LMNTD1: variants seen among roughly 807,000 people sequenced by gnomAD.
The protein encoded by LMNTD1 is lamin tail domain containing 1.
LMNTD1 carries 35 observed loss-of-function variants against 50.9 expected under a neutral mutation model. The observed-to-expected ratio is 0.69, with a 90% CI of 0.53 to 0.91. The LOEUF is 0.91. Among genes scored for constraint, LMNTD1 ranks in the 40% least tolerant of loss-of-function variants. LMNTD1 has a pLI of 0.00. For synonymous variants in LMNTD1, 153 were observed against 161.9 expected, an observed-to-expected ratio of 0.94 and a Z score of 0.42; for missense variants, 470 against 475.5, an observed-to-expected ratio of 0.99 and a Z score of 0.11.
rs561644355 is a variant in LMNTD1 at position 25,593,325 on chromosome 12, C to G, written c.59-46771G>C. Among the ~76,000 whole-genome samples the G allele has an allele frequency of 2.5e-4, 38 of 152,304 alleles. 2 individuals carry two copies. In the South Asian group the frequency reaches 7.7e-3, roughly 31 times the overall value. ...AGCACATTTTCCTCCCCTGCCACCT[C>G]CACCAGAACAGGTGCTGGCATCCAT... is the stretch of plus-strand genomic sequence containing the variant. On this transcript the variant is annotated intron_variant, in intron 1 of 7. Coordinates refer to the LMNTD1 transcript ENST00000445693.
chr12:25,530,961 A>T (rs917339802), intron 4 of LMNTD1, among the ~76,000 whole-genome samples: 1 of 152,150 alleles, frequency 6.6e-6, no homozygotes, highest in East Asian at 1.9e-4. Flanking sequence ...CTGCAGCGGG[A>T]GGGAAGTCAG....
chr12:25,482,754 T>C (rs1454179752), intron 9 of LMNTD1, among the ~76,000 whole-genome samples: 2 of 151,974 alleles, frequency 1.3e-5, no homozygotes, highest in African/African-American at 4.9e-5. Context: ...GCTGAGTTGG[T>C]GAGTGTGTTT....
At chr12:25,625,384 A>G (rs1946566430) in intron 1 of LMNTD1, among the ~76,000 whole-genome samples, 1 of 152,206 alleles carries the variant, frequency 6.6e-6, no homozygotes, top group Non-Finnish European at 1.5e-5. Context: ...AATAAAGAAC[A>G]GAACGAGCTC....
At chr12:25,518,996 T>G in intron 7 of LMNTD1, 29 bp from the exon 8 acceptor site, 1 of 1,609,184 alleles carries the variant, frequency 6.2e-7, no homozygotes, top group Non-Finnish European at 8.5e-7. Context: ...TAAATGGAAC[T>G]CAAAAGCCAT....
intron 9 of LMNTD1, among the ~76,000 whole-genome samples, chr12:25,487,353 T>C (rs1424533687): frequency 7.3e-6 from 1 of 136,566 alleles, no homozygotes; most frequent in Admixed American, 7.8e-5. Context: ...GATAGTTAGC[T>C]CTTCTTGTTG....
chr12:25,504,078 T>C (rs944571098), intron 8 of LMNTD1, among the ~76,000 whole-genome samples: 2 of 152,226 alleles, frequency 1.3e-5, no homozygotes, highest in Admixed American at 1.3e-4. Context: ...AGGAAGCATA[T>C]ATTTCAGGAC....
At position 25,578,938 on chromosome 12, in the gene LMNTD1, T is replaced by A. The variant is rs1239817958; in HGVS notation, c.59-32384A>T. On this transcript the variant is annotated intron_variant, in intron 1 of 7. Transcript: ENST00000445693. Reference sequence around the variant, plus strand: ...ATTGACCCAAACCATCTAACCAAATTAAGCTGATCTAATTTAGGCAGATCT... The same window carrying A: ...ATTGACCCAAACCATCTAACCAAATAAAGCTGATCTAATTTAGGCAGATCT... 2.6e-5 allele frequency among the ~76,000 whole-genome samples: 4 copies of A among 152,292 alleles called. No individual in the cohort carries two copies. The East Asian group carries it at 5.8e-4, about 22-fold the overall frequency.
At chr12:25,625,884 C>T (rs1050191209) in intron 1 of LMNTD1, among the ~76,000 whole-genome samples, 8 of 152,152 alleles carry the variant, frequency 5.3e-5, no homozygotes, top group African/African-American at 1.2e-4. Context: ...GTACACAGCC[C>T]TTGTTCCTCA....
chr12:25,570,385 A>C (rs943075535), intron 1 of LMNTD1, among the ~76,000 whole-genome samples: 1 of 152,180 alleles, frequency 6.6e-6, no homozygotes, highest in Non-Finnish European at 1.5e-5. Context: ...TGGGCCTCAA[A>C]GGTTGGATAG....
intron 9 of LMNTD1, among the ~76,000 whole-genome samples, chr12:25,484,494 T>C (rs535336837): frequency 8.5e-5 from 13 of 152,052 alleles, no homozygotes; most frequent in African/African-American, 2.4e-4. Flanking sequence ...CCAATAGCCA[T>C]TTCTTTTTAA....
At chr12:25,533,478 C>G (rs1181216222) in intron 4 of LMNTD1, among the ~76,000 whole-genome samples, 1 of 134,580 alleles carries the variant, frequency 7.4e-6, no homozygotes, top group Non-Finnish European at 1.6e-5. Flanking sequence ...CTTGATAGCT[C>G]CATGCTATTT....
In LMNTD1 at chr12:25,526,921, C is replaced by T; in HGVS notation, c.526G>A (p.Val176Ile). ...LGDVEIAEVNVKGLFVKLINS... is the reference protein window; with the variant it reads ...LGDVEIAEVNIKGLFVKLINS... ...ATGAGCTTCACGAACAAACCCTTGA[C>T]ATTCACTTCAGCTATTTCAACATCT... The change falls in exon 5 of 10, where the codon GTC becomes ATC. Residue 176 changes from valine (V) to isoleucine (I), a missense_variant. Coordinates refer to ENST00000458174, the MANE Select transcript of LMNTD1 (RefSeq NM_001145728.2). 3.1e-6 allele frequency: 5 copies of T among 1,610,184 alleles called. No homozygotes were observed. The highest frequency in any genetic ancestry group is 4.2e-6 in the Non-Finnish European group (5 of 1,178,310).
chr12:25,552,479 G>A (rs963093204), intron 2 of LMNTD1, among the ~76,000 whole-genome samples: 98 of 149,782 alleles, frequency 6.5e-4, no homozygotes, highest in African/African-American at 2.3e-3. Flanking sequence ...GGTGGCGGGC[G>A]CCTGTAGTCC....
intron 1 of LMNTD1, among the ~76,000 whole-genome samples, chr12:25,585,503 T>G (rs1439619576): frequency 2.6e-5 from 4 of 152,218 alleles, no homozygotes; most frequent in African/African-American, 9.6e-5. Flanking sequence ...AGGGAGATAT[T>G]TTCAGCAACC....
At chr12:25,582,160 C>A (rs771912000) in intron 1 of LMNTD1, among the ~76,000 whole-genome samples, 23 of 152,148 alleles carry the variant, frequency 1.5e-4, no homozygotes, top group Non-Finnish European at 2.9e-4. Context: ...AACTAGGATG[C>A]CAGAGTGACC....
chr12:25,520,145 C>CATATACAT (rs1555213291), intron 6 of LMNTD1, 70 bp from the exon 7 acceptor site: 3 of 231,540 alleles, frequency 1.3e-5, no homozygotes, highest in African/African-American at 1.1e-4. Context: ...ATGAGATATA[C>CATATACAT]ATATATATAT....
intron 3 of LMNTD1, chr12:25,547,179 G>A (rs1009431221): frequency 5.3e-6 from 5 of 952,258 alleles, no homozygotes; most frequent in Non-Finnish European, 6.2e-6. Flanking sequence ...AGCATAAAGA[G>A]CCATTCTGGA....
chr12:25,587,776 A>T (rs1203861299), intron 1 of LMNTD1, among the ~76,000 whole-genome samples: 1 of 152,226 alleles, frequency 6.6e-6, no homozygotes, highest in Non-Finnish European at 1.5e-5. Context: ...GGGAGGGCAT[A>T]TTGCCTAGGC....
At chr12:25,635,305 A>G (rs900613504) in intron 1 of LMNTD1, among the ~76,000 whole-genome samples, 1 of 151,856 alleles carries the variant, frequency 6.6e-6, no homozygotes, top group African/African-American at 2.4e-5. Flanking sequence ...TTACAAGATT[A>G]ATGTACAAAT....
Sources: allele counts gnomAD v4.1 joint callset (sites outside exome capture counted in the v4.1 genomes callset), GRCh38; gene constraint gnomAD v4.1.1; transcripts MANE v1.5; gene names NCBI Gene and HGNC (gene_info 2026-07-23, HGNC 2026-07-21).